The following RAI1 variants were observed in gnomAD, a reference collection of about 807,000 sequenced individuals.
RAI1 encodes the protein retinoic acid induced 1.
In RAI1, 9 loss-of-function variants were observed where a neutral mutation model predicts 123.8. That is an observed-to-expected ratio of 0.07 (90% confidence interval 0.04 to 0.13). RAI1 has a LOEUF of 0.13. Ranked by LOEUF, RAI1 falls within the 10% of genes least tolerant of loss-of-function variation. The pLI, the probability that RAI1 is intolerant of heterozygous loss-of-function variation, is 1.00. For synonymous variants in RAI1, 1,231 were observed against 1,127.3 expected (o/e 1.09, Z -1.84); for missense variants, 2,256 against 2,545.8 (o/e 0.89, Z 2.45).
chr17:17,681,823 C>CGGAGGTGA, intron 1 of RAI1, 30 bp downstream of exon 1: 1 of 288,168 alleles, frequency 3.5e-6, no homozygotes, highest in Non-Finnish European at 6.4e-6. Context: ...GCGCGGGGGG[C>CGGAGGTGA]GCAGTGTATC....
At chr17:17,737,013 C>G (rs1271497361) in intron 2 of RAI1, among the ~76,000 whole-genome samples, 1 of 151,964 alleles carries the variant, frequency 6.6e-6, no homozygotes, top group Non-Finnish European at 1.5e-5. Context: ...CTCAGTAGAC[C>G]ACTGGCATTT....
At chr17:17,761,344 T>G (rs2030689221) in intron 2 of RAI1, among the ~76,000 whole-genome samples, 1 of 152,046 alleles carries the variant, frequency 6.6e-6, no homozygotes, top group Non-Finnish European at 1.5e-5. Flanking sequence ...GCCACCAGAT[T>G]GAGCCTCTGG....
intron 2 of RAI1, among the ~76,000 whole-genome samples, chr17:17,767,407 G>A (rs1256949156): frequency 6.7e-6 from 1 of 149,100 alleles, no homozygotes. Context: ...AAAAAAACTC[G>A]CTGAAAAAAA....
At chr17:17,726,544 C>G (rs1916095791) in intron 2 of RAI1, among the ~76,000 whole-genome samples, 1 of 152,236 alleles carries the variant, frequency 6.6e-6, no homozygotes, top group Non-Finnish European at 1.5e-5. Context: ...TTCCTTAGGG[C>G]CCCCAGGGCC....
chr17:17,774,331 A>G (rs2031262794), intron 2 of RAI1, among the ~76,000 whole-genome samples: 1 of 152,262 alleles, frequency 6.6e-6, no homozygotes, highest in Non-Finnish European at 1.5e-5. Context: ...AGTGGGCGTC[A>G]GGTACTCGGT....
chr17:17,774,983 CAG>C (rs1237095047), intron 2 of RAI1, among the ~76,000 whole-genome samples: 1 of 152,096 alleles, frequency 6.6e-6, no homozygotes, highest in African/African-American at 2.4e-5. Context: ...GCCTTCAGGG[CAG>C]AGTCTTGGGG....
chr17:17,692,130 C>T lies in RAI1; in HGVS notation c.-149+10337C>T, dbSNP rs562538981. Among the ~76,000 whole-genome samples, 251 of 152,264 alleles carry T rather than the reference C, an allele frequency of 1.6e-3. 1 individual carries two copies. Among genetic ancestry groups the T allele is most frequent in the Non-Finnish European group, 2.7e-3 (183 of 68,020 alleles). ...AGCTGGCTTTGTTCCCTTGGGGTGA[C>T]ACTGTCCCCTGGGGCCCCTGCCCTG... On this transcript the variant is annotated intron_variant, in intron 1 of 5. Transcript: ENST00000353383.
intron 1 of RAI1, among the ~76,000 whole-genome samples, chr17:17,710,402 C>T (rs959466683): frequency 2.0e-5 from 3 of 152,238 alleles, no homozygotes; most frequent in Admixed American, 6.5e-5. Context: ...GTTGCAGCTG[C>T]GGCCATGAGG....
At position 17,810,572 on chromosome 17, in the gene RAI1, C is replaced by G; in HGVS notation, c.*591C>G. 3.1e-6 allele frequency: 1 copy of G among 323,264 alleles called. No individual in the cohort carries two copies. The highest frequency in any genetic ancestry group is 2.3e-5 in the South Asian group (1 of 44,444). 20.0% of individuals were successfully genotyped at this position (323,264 alleles called of 1,614,324 possible). The stretch of plus-strand genomic sequence containing the variant: ...GCCGGAGCCTTTGGAACAAACCGTG[C>G]GGAACGCGTCCAGGGGCCTTCCCGC... On this transcript the variant is annotated 3_prime_UTR_variant, in exon 6 of 6. Transcript: ENST00000353383. This position sits in a 1 kb window ranked among gnomAD's most constrained non-coding sequence, Gnocchi z 4.6.
chr17:17,764,404 C>T (rs1360117704), intron 2 of RAI1, among the ~76,000 whole-genome samples: 1 of 152,106 alleles, frequency 6.6e-6, no homozygotes, highest in Non-Finnish European at 1.5e-5. Context: ...CATTTCCTGC[C>T]CAAGAGTACT....
rs760306058 is a variant in RAI1, at chr17:17,809,132, C to CA, written c.5660-257dup. 2.2e-4 allele frequency: 127 copies of CA among 567,416 alleles called. No homozygotes were observed. The highest frequency in any genetic ancestry group is 2.8e-4 in the Middle Eastern group (1 of 3,556). The allele number at this position is 567,416 out of a possible 1,614,324, so 35.1% of individuals were successfully genotyped here. A position where few individuals can be genotyped will look rare whatever the true frequency, so the allele number is the denominator to read the frequency against. On this transcript the variant is annotated intron_variant, in intron 4 of 5. Coordinates refer to ENST00000353383, the MANE Select transcript of RAI1 (RefSeq NM_030665.4). This position sits in a 1 kb window ranked among gnomAD's most constrained non-coding sequence, Gnocchi z 4.9. ...GACTGCCTCAAGTGAGGAGGGGCGG[C>CA]ACGTGGAACTCAGGGGGAAAAGCTC...
chr17:17,762,331 G>A (rs1250461705), intron 2 of RAI1, among the ~76,000 whole-genome samples: 1 of 152,152 alleles, frequency 6.6e-6, no homozygotes, highest in Non-Finnish European at 1.5e-5. Flanking sequence ...GCAAAGGCCT[G>A]GGGGTCAGGG....
chr17:17,744,663 A>G (rs1916757848), intron 2 of RAI1, among the ~76,000 whole-genome samples: 1 of 151,760 alleles, frequency 6.6e-6, no homozygotes, highest in African/African-American at 2.4e-5. Flanking sequence ...GATGGTGCGC[A>G]CCTGTAATCC....
intron 1 of RAI1, among the ~76,000 whole-genome samples, chr17:17,713,797 A>G (rs1915634863): frequency 6.6e-6 from 1 of 152,144 alleles, no homozygotes; most frequent in African/African-American, 2.4e-5. Flanking sequence ...AATCATAAAG[A>G]CTTTGTGACT....
In RAI1 at chr17:17,809,516, C is replaced by T; in HGVS notation, c.5709+77C>T. 1 of 1,442,260 alleles carries T rather than the reference C, an allele frequency of 6.9e-7. No individual in the cohort carries two copies. Among genetic ancestry groups the T allele is most frequent in the Non-Finnish European group, 9.7e-7 (1 of 1,028,394 alleles). The allele number at this position is 1,442,260 out of a possible 1,614,324, so 89.3% of individuals were successfully genotyped here. A position where few individuals can be genotyped will look rare whatever the true frequency, so the allele number is the denominator to read the frequency against. On this transcript the variant is annotated intron_variant, in intron 5 of 5. Transcript: ENST00000353383. The surrounding 1 kb of genome is among the most constrained non-coding windows in gnomAD (Gnocchi z 4.9). ...CCCCACCTCGCACCTCCTTCACAGT[C>T]CCCTGGGCCCCCTTGGCTGCGCAGC...
chr17:17,681,999 G>A (rs1272744488), intron 1 of RAI1, among the ~76,000 whole-genome samples: 7 of 151,324 alleles, frequency 4.6e-5, no homozygotes, highest in African/African-American at 1.7e-4. Context: ...GGACGTCTGG[G>A]GAGCTGCAGG....
intron 2 of RAI1, among the ~76,000 whole-genome samples, chr17:17,779,732 T>C (rs2142997600): frequency 6.6e-6 from 1 of 150,946 alleles, no homozygotes; most frequent in East Asian, 1.9e-4. Flanking sequence ...AAATCAGTGA[T>C]GGTAGGCCCT....
In RAI1 at chr17:17,696,438, GT is replaced by G. The variant is rs557501345; in HGVS notation, c.-149+14651del. ...CCGTTCATGGGGTTTTTCGCTTTGT[GT>G]TTTTTGTCTGTTTAGGTATGCCATC... On this transcript the variant is annotated intron_variant, in intron 1 of 5. Coordinates refer to ENST00000353383, the MANE Select transcript of RAI1 (RefSeq NM_030665.4). Among the ~76,000 whole-genome samples the G allele has an allele frequency of 2.0e-4, 30 of 152,242 alleles. No homozygotes were observed. The South Asian group carries it at 5.8e-3, about 29-fold the overall frequency.
At position 17,801,309 on chromosome 17, in the gene RAI1, C is replaced by T. The variant is rs1460213811; in HGVS notation, c.5566-2447C>T. The stretch of plus-strand genomic sequence containing the variant: ...GGCTAGGTGGTGTCTGCAGAGGCCC[C>T]ACCTGTGGCAGGGTTTACATGCCGC... On this transcript the variant is annotated intron_variant, in intron 3 of 5. Transcript: ENST00000353383. This position sits in a 1 kb window ranked among gnomAD's most constrained non-coding sequence, Gnocchi z 4.1. Among the ~76,000 whole-genome samples the T allele has an allele frequency of 6.6e-6, 1 of 152,160 alleles. No individual in the cohort carries two copies. Among genetic ancestry groups the T allele is most frequent in the South Asian group, 2.1e-4 (1 of 4,828 alleles).
Sources: gnomAD v4.1 joint callset for allele counts (sites outside exome capture counted in the v4.1 genomes callset) on GRCh38, gnomAD v4.1.1 for gene constraint, Gnocchi (gnomAD v3.1) non-coding constraint, MANE v1.5 for transcripts, NCBI Gene and HGNC (gene_info 2026-07-23, HGNC 2026-07-21) for gene names.